Variants in KCNIP1 observed in about 807,000 individuals in gnomAD.
The protein encoded by KCNIP1 is A-type potassium channel modulatory protein KCNIP1.
Under a neutral mutation model 33.0 loss-of-function variants are expected in KCNIP1, and 18 were observed. That is an observed-to-expected ratio of 0.55 (90% confidence interval 0.38 to 0.81). The LOEUF (loss-of-function observed/expected upper bound fraction) is 0.81, where lower values mean the gene tolerates loss of function less well. KCNIP1 is among the 30% of genes least tolerant of loss of function. The pLI is 0.00. For synonymous variants in KCNIP1, 93 were observed against 98.3 expected, an observed-to-expected ratio of 0.95 and a Z score of 0.32; for missense variants, 238 against 271.6, an observed-to-expected ratio of 0.88 and a Z score of 0.87.
At chr5:170,390,968 C>T (rs917304188) in intron 1 of KCNIP1, among the ~76,000 whole-genome samples, 2 of 152,134 alleles carry the variant, frequency 1.3e-5, no homozygotes, top group Non-Finnish European at 2.9e-5. Flanking sequence ...GACACACTCT[C>T]AGGCGGTGAG....
upstream of KCNIP1, among the ~76,000 whole-genome samples, chr5:170,503,776 A>G (rs952747821): frequency 1.3e-5 from 2 of 149,086 alleles, no homozygotes; most frequent in Admixed American, 1.3e-4. Flanking sequence ...ACACACACAC[A>G]GTCTCCCTGG....
chr5:170,413,191 T>C (rs1755242407), intron 1 of KCNIP1, among the ~76,000 whole-genome samples: 1 of 152,170 alleles, frequency 6.6e-6, no homozygotes. Flanking sequence ...GGCAGGTCCT[T>C]GGTTCCTGTG....
At chr5:170,629,760 A>G (rs1001733394) in intron 1 of KCNIP1, among the ~76,000 whole-genome samples, 1 of 152,180 alleles carries the variant, frequency 6.6e-6, no homozygotes, top group Admixed American at 6.5e-5. Flanking sequence ...CCCAGCACGC[A>G]GCATCTAGTA....
chr5:170,616,562 C>T lies in KCNIP1; in HGVS notation c.62-102196C>T, dbSNP rs116748952. Among the ~76,000 whole-genome samples, 427 of 152,274 alleles carry T rather than the reference C, an allele frequency of 2.8e-3. 1 individual carries two copies. The highest frequency in any genetic ancestry group is 9.2e-3 in the African/African-American group (383 of 41,564). ...AAGGATGGCGGCATCTCTGCGTTCA[C>T]GTCTGTGTGCTCACCATGAGAGCCC... On this transcript the variant is annotated intron_variant, in intron 1 of 7. Transcript: ENST00000328939.
At chr5:170,533,123 T>C (rs993047361) in intron 1 of KCNIP1, among the ~76,000 whole-genome samples, 21 of 152,320 alleles carry the variant, frequency 1.4e-4, no homozygotes, top group Admixed American at 1.3e-3. Context: ...CTTTGTTCCC[T>C]GCTTTCTGGA....
chr5:170,733,859 C>T lies in KCNIP1; in HGVS notation c.564C>T (p.Gly188=), dbSNP rs768986352. 5 of 1,613,444 alleles carry T rather than the reference C, an allele frequency of 3.1e-6. No individual in the cohort carries two copies. Among genetic ancestry groups the T allele is most frequent in the Non-Finnish European group, 4.2e-6 (5 of 1,179,576 alleles). The change falls in exon 7 of 8, where the codon GGC becomes GGT. Residue 188 remains glycine, a synonymous_variant. Transcript: ENST00000328939. ...AGAAAATGGACAAAAATAAAGATGG[C>T]ATCGTAACTTTAGATGAATTTCTTG... ...FFQKMDKNKD[G]IVTLDEFLES...
chr5:170,718,078 TATTAC>T (rs1250035595), intron 1 of KCNIP1, among the ~76,000 whole-genome samples: 3 of 152,228 alleles, frequency 2.0e-5, no homozygotes, highest in Non-Finnish European at 4.4e-5. Context: ...TGCAATCTTA[TATTAC>T]ATTATAGTCC....
upstream of KCNIP1, among the ~76,000 whole-genome samples, chr5:170,503,728 A>ACACACACACACACACACACGCACGCACAT (rs1320856591): frequency 2.6e-4 from 5 of 18,958 alleles, no homozygotes; most frequent in Non-Finnish European, 4.3e-4. Flanking sequence ...CGCACATCAC[A>ACACACACACACACACACACGCACGCACAT]CACACACACA....
At chr5:170,733,540 C>G (rs1332557797) in intron 6 of KCNIP1, among the ~76,000 whole-genome samples, 1 of 152,184 alleles carries the variant, frequency 6.6e-6, no homozygotes, top group Non-Finnish European at 1.5e-5. Context: ...GCCAGATGGA[C>G]AGGGTAGCAG....
rs745417856 is a variant in KCNIP1 at position 170,383,850 on chromosome 5, G to A, written c.88+29886G>A. The stretch of plus-strand genomic sequence containing the variant: ...GGCACTTGGATTCCTGGGTCCACAC[G>A]CTGAGGAGACCACACACATGCACAC... On this transcript the variant is annotated intron_variant, in intron 1 of 7. Coordinates refer to the KCNIP1 transcript ENST00000377360. The A allele has an allele frequency of 1.1e-5, 17 of 1,613,676 alleles. 1 individual carries two copies. The South Asian group carries it at 1.4e-4, about 14-fold the overall frequency.
At chr5:170,602,366 G>C (rs1020502466) in intron 1 of KCNIP1, among the ~76,000 whole-genome samples, 13 of 152,334 alleles carry the variant, frequency 8.5e-5, no homozygotes, top group East Asian at 1.9e-4. Flanking sequence ...TGCCAGTGGA[G>C]ACAGGAACAG....
At chr5:170,476,283 T>C (rs1401772139) in intron 1 of KCNIP1, among the ~76,000 whole-genome samples, 1 of 152,222 alleles carries the variant, frequency 6.6e-6, no homozygotes, top group Non-Finnish European at 1.5e-5. Flanking sequence ...AACTTGTTTC[T>C]AATTAGCAGT....
chr5:170,554,466 G>A (rs1042071241), intron 1 of KCNIP1, among the ~76,000 whole-genome samples: 4 of 152,218 alleles, frequency 2.6e-5, no homozygotes, highest in African/African-American at 4.8e-5. Context: ...ATGGGACTGT[G>A]TATAAAATTG....
chr5:170,620,475 T>A (rs1400887616), intron 1 of KCNIP1, among the ~76,000 whole-genome samples: 2 of 152,200 alleles, frequency 1.3e-5, no homozygotes, highest in Non-Finnish European at 2.9e-5. Context: ...GGGCTGGGGC[T>A]GCTACAGCCA....
intron 1 of KCNIP1, among the ~76,000 whole-genome samples, chr5:170,415,500 G>C (rs1755303767): frequency 6.6e-6 from 1 of 152,048 alleles, no homozygotes; most frequent in African/African-American, 2.4e-5. Flanking sequence ...ACACCACCCA[G>C]GTGAGAACCA....
chr5:170,593,513 C>T (rs769998581), intron 1 of KCNIP1, among the ~76,000 whole-genome samples: 34 of 152,352 alleles, frequency 2.2e-4, no homozygotes, highest in Admixed American at 6.5e-4. Flanking sequence ...TCATTCTTCA[C>T]TATAATTAAA....
At chr5:170,383,534 C>T (rs1764337558) in intron 1 of KCNIP1, 2 of 861,394 alleles carry the variant, frequency 2.3e-6, no homozygotes, top group Middle Eastern at 2.3e-4. Flanking sequence ...CACAGAAGAG[C>T]TAGGGCTGGC....
At chr5:170,447,330 A>C (rs568272095) in intron 1 of KCNIP1, among the ~76,000 whole-genome samples, 15 of 152,316 alleles carry the variant, frequency 9.8e-5, no homozygotes, top group Admixed American at 9.2e-4. Flanking sequence ...ATGTTCAGGA[A>C]TCTTCCTGTT....
chr5:170,392,133 C>G (rs555800582), intron 1 of KCNIP1, among the ~76,000 whole-genome samples: 9 of 152,144 alleles, frequency 5.9e-5, no homozygotes, highest in African/African-American at 2.2e-4. Context: ...TGTAGGAAGC[C>G]GAGGCCCCGT....
Sources: gnomAD v4.1 joint callset for allele counts (sites outside exome capture counted in the v4.1 genomes callset) on GRCh38, gnomAD v4.1.1 for gene constraint, MANE v1.5 for transcripts, NCBI Gene and HGNC (gene_info 2026-07-23, HGNC 2026-07-21) for gene names.